The following MAP4K3 variants were observed in gnomAD, a reference collection of about 807,000 sequenced individuals.
The protein encoded by MAP4K3 is MAPK/ERK kinase kinase kinase 3.
MAP4K3 carries 94 observed loss-of-function variants against 143.5 expected under a neutral mutation model. The ratio of observed to expected loss-of-function variants is 0.65; its 90% CI spans 0.55 to 0.78. The LOEUF (loss-of-function observed/expected upper bound fraction) is 0.78. Among genes scored for constraint, MAP4K3 ranks in the 30% least tolerant of loss-of-function variants. The pLI is 0.00. For missense variants in MAP4K3, 1,077 were observed against 1,068.1 expected (o/e 1.01, Z -0.12); for synonymous variants, 416 against 347.2 (o/e 1.20, Z -2.20).
intron 31 of MAP4K3, among the ~76,000 whole-genome samples, 199 bp from the exon 32 acceptor site, chr2:39,254,719 A>T (rs1420067986): frequency 6.6e-6 from 1 of 152,194 alleles, no homozygotes; most frequent in Non-Finnish European, 1.5e-5. Flanking sequence ...GTAGGAAAAA[A>T]TTCACCGAAA....
chr2:39,391,968 G>C (rs1229888295), intron 1 of MAP4K3, among the ~76,000 whole-genome samples: 7 of 152,008 alleles, frequency 4.6e-5, no homozygotes, highest in Non-Finnish European at 2.9e-5. Flanking sequence ...AGATCACGAG[G>C]TCAAGAGATG....
At chr2:39,301,765 T>A (rs1045040450) in intron 15 of MAP4K3, among the ~76,000 whole-genome samples, 3 of 152,154 alleles carry the variant, frequency 2.0e-5, no homozygotes, top group Non-Finnish European at 2.9e-5. Flanking sequence ...GGCTCACACC[T>A]GTAATCCCAG....
At chr2:39,271,039 C>T (rs191835891) in intron 26 of MAP4K3, among the ~76,000 whole-genome samples, 10 of 151,324 alleles carry the variant, frequency 6.6e-5, no homozygotes, top group Admixed American at 6.6e-4. Context: ...GAGCTGAACA[C>T]ATGGGGAAAG....
chr2:39,283,850 C>T (rs1397312602), intron 21 of MAP4K3: 2 of 152,144 alleles, frequency 1.3e-5, no homozygotes, highest in Admixed American at 6.5e-5. Context: ...ATCTCAGTAA[C>T]ATCATTTTAA....
chr2:39,397,056 T>C (rs2148602946), intron 1 of MAP4K3, among the ~76,000 whole-genome samples: 1 of 152,324 alleles, frequency 6.6e-6, no homozygotes, highest in East Asian at 1.9e-4. Context: ...ATGACAACTT[T>C]TCATCAATTT....
intron 1 of MAP4K3, among the ~76,000 whole-genome samples, chr2:39,386,796 A>G (rs901922698): frequency 7.0e-6 from 1 of 143,806 alleles, no homozygotes; most frequent in Non-Finnish European, 1.5e-5. Context: ...TACAGTCTTG[A>G]TTAGTGTAAT....
At chr2:39,331,840 G>T in intron 8 of MAP4K3, 77 bp downstream of exon 8, 4 of 948,514 alleles carry the variant, frequency 4.2e-6, no homozygotes, top group South Asian at 4.3e-5. Context: ...GAAAAATTCT[G>T]ACCAGTCTAT....
chr2:39,254,433 G>A lies in MAP4K3; in HGVS notation c.2541+17C>T. The A allele has an allele frequency of 1.3e-6, 2 of 1,597,198 alleles. No homozygotes were observed. The highest frequency in any genetic ancestry group is 8.6e-7 in the Non-Finnish European group (1 of 1,165,104). On this transcript the variant is annotated intron_variant, in intron 32 of 33. Transcript: ENST00000263881. Reference sequence around the variant, plus strand: ...TGATAATGTCTTGTGACTACTTAATGGACATAATTTACTTACCTCATTAGA... The same window carrying A: ...TGATAATGTCTTGTGACTACTTAATAGACATAATTTACTTACCTCATTAGA...
At chr2:39,313,671 C>T (rs1265257536) in intron 13 of MAP4K3, among the ~76,000 whole-genome samples, 1 of 152,092 alleles carries the variant, frequency 6.6e-6, no homozygotes, top group Non-Finnish European at 1.5e-5. Flanking sequence ...CACCAACAGG[C>T]CCGGCTAATT....
intron 12 of MAP4K3, 98 bp from the exon 13 acceptor site, chr2:39,315,486 G>T: frequency 4.9e-6 from 4 of 819,612 alleles, no homozygotes; most frequent in Non-Finnish European, 3.7e-6. Context: ...TTCATTTTAA[G>T]TAAAAATGAA....
chr2:39,287,298 CTT>C (rs11413828), intron 20 of MAP4K3, among the ~76,000 whole-genome samples: 1 of 147,338 alleles, frequency 6.8e-6, no homozygotes, highest in Non-Finnish European at 1.5e-5. Context: ...TTTAGTTGCT[CTT>C]TTTTTTTTTT....
chr2:39,265,147 A>G (rs1278016864), intron 28 of MAP4K3, 56 bp downstream of exon 28: 1 of 1,127,696 alleles, frequency 8.9e-7, no homozygotes, highest in Non-Finnish European at 1.3e-6. Flanking sequence ...TTTAAAGAAC[A>G]GTAAGGTTGA....
At position 39,324,147 on chromosome 2, in the gene MAP4K3, T is replaced by C. The variant is rs574563195; in HGVS notation, c.918+1371A>G. On this transcript the variant is annotated intron_variant, in intron 12 of 33. Coordinates refer to ENST00000263881, the MANE Select transcript of MAP4K3 (RefSeq NM_003618.4). ...TCTTCAGGCCAGGTGCGGTGGCTCA[T>C]GCCTGTAATCCCAGCATTTGGGAGG... Among the ~76,000 whole-genome samples, 12 of 152,252 alleles carry C rather than the reference T, an allele frequency of 7.9e-5. No individual in the cohort carries two copies. In the East Asian group the frequency reaches 2.3e-3, roughly 29 times the overall value.
intron 1 of MAP4K3, among the ~76,000 whole-genome samples, chr2:39,408,910 A>C (rs764943247): frequency 6.6e-6 from 1 of 152,238 alleles, no homozygotes; most frequent in Non-Finnish European, 1.5e-5. Context: ...TCCTCCCATG[A>C]TACAGGCACT....
intron 31 of MAP4K3, among the ~76,000 whole-genome samples, chr2:39,257,686 C>A (rs1003188146): frequency 6.6e-5 from 10 of 150,572 alleles, no homozygotes; most frequent in African/African-American, 2.4e-4. Flanking sequence ...GTAATCCCAG[C>A]TACTCGGGAG....
At chr2:39,398,744 AATG>A (rs1253448472) in intron 1 of MAP4K3, among the ~76,000 whole-genome samples, 11,003 of 129,914 alleles carry the variant, frequency 0.085, 1,303 homozygotes, top group African/African-American at 0.29. Context: ...TAATAATAAT[AATG>A]ATGATGATAA....
chr2:39,284,203 C>T (rs955298737), intron 21 of MAP4K3, among the ~76,000 whole-genome samples: 2 of 151,484 alleles, frequency 1.3e-5, no homozygotes, highest in African/African-American at 4.9e-5. Flanking sequence ...GCTCTGTTAC[C>T]CAGGCTGGAG....
At chr2:39,335,654 T>C (rs890917501) in intron 6 of MAP4K3, among the ~76,000 whole-genome samples, 6 of 152,194 alleles carry the variant, frequency 3.9e-5, no homozygotes, top group Non-Finnish European at 8.8e-5. Flanking sequence ...CTGTCAATCC[T>C]CCCAGATCAT....
chr2:39,267,453 A>C, intron 26 of MAP4K3: 2 of 528,758 alleles, frequency 3.8e-6, no homozygotes, highest in Non-Finnish European at 6.8e-6. Flanking sequence ...TGGGCGGATC[A>C]CAAGGTCAAG....
Sources: gnomAD v4.1 joint callset for allele counts (sites outside exome capture counted in the v4.1 genomes callset) on GRCh38, gnomAD v4.1.1 for gene constraint, MANE v1.5 for transcripts, NCBI Gene and HGNC (gene_info 2026-07-23, HGNC 2026-07-21) for gene names.